The following EGLN1 variants were observed in gnomAD, a reference collection of about 807,000 sequenced individuals.
EGLN1 encodes the protein egl-9 family hypoxia inducible factor 1.
EGLN1 carries 17 observed loss-of-function variants against 38.3 expected under a neutral mutation model. The observed-to-expected ratio is 0.44, with a 90% CI of 0.30 to 0.67. EGLN1 has a LOEUF of 0.67. Ranked by LOEUF, EGLN1 falls within the 30% of genes least tolerant of loss-of-function variation. The pLI is 0.08. For synonymous variants in EGLN1, 283 were observed against 257.5 expected, an observed-to-expected ratio of 1.10 and a Z score of -0.95; for missense variants, 477 against 603.3, an observed-to-expected ratio of 0.79 and a Z score of 2.19.
At chr1:231,418,366 G>C (rs1275730856) in intron 1 of EGLN1, among the ~76,000 whole-genome samples, 1 of 152,196 alleles carries the variant, frequency 6.6e-6, no homozygotes, top group African/African-American at 2.4e-5. Context: ...TCAAATTGCA[G>C]TTCCAGCAGT....
At chr1:231,379,112 A>C (rs1688022454) in intron 1 of EGLN1, among the ~76,000 whole-genome samples, 2 of 152,244 alleles carry the variant, frequency 1.3e-5, no homozygotes, top group African/African-American at 4.8e-5. Flanking sequence ...TGGCAGAGGC[A>C]GGATATGAAC....
Position 231,367,695 on chromosome 1 carries a change from T to C in EGLN1, c.1149-59A>G, listed in dbSNP as rs545539791. The C allele has an allele frequency of 7.1e-5, 105 of 1,486,962 alleles. 1 individual carries two copies. The African/African-American group carries it at 1.3e-3, about 19-fold the overall frequency. The allele number at this position is 1,486,962 out of a possible 1,614,324, so 92.1% of individuals were successfully genotyped here. On this transcript the variant is annotated intron_variant, in intron 3 of 4. Coordinates refer to ENST00000366641, the MANE Select transcript of EGLN1 (RefSeq NM_022051.3). ...CACACTGCGGGGAAAAAGTGGTATT[T>C]TGCTGCAATGGTATATTAAAACTTG...
chr1:231,408,052 AG>A (rs1453887300), intron 1 of EGLN1, among the ~76,000 whole-genome samples: 2 of 152,202 alleles, frequency 1.3e-5, no homozygotes, highest in African/African-American at 4.8e-5. Context: ...CAATAATAAA[AG>A]TCCTCTGCCG....
chr1:231,383,706 C>T (rs1450239377), intron 1 of EGLN1, among the ~76,000 whole-genome samples: 1 of 152,090 alleles, frequency 6.6e-6, no homozygotes, highest in African/African-American at 2.4e-5. Context: ...CTCAAAAAGG[C>T]TCTCACTGAC....
At chr1:231,391,931 A>G (rs1184816314) in intron 1 of EGLN1, among the ~76,000 whole-genome samples, 1 of 152,228 alleles carries the variant, frequency 6.6e-6, no homozygotes, top group Non-Finnish European at 1.5e-5. Context: ...TAAGAAGTTT[A>G]AAAAAACAAA....
At chr1:231,409,020 A>C (rs1045917520) in intron 1 of EGLN1, among the ~76,000 whole-genome samples, 2 of 152,148 alleles carry the variant, frequency 1.3e-5, no homozygotes, top group East Asian at 1.9e-4. Context: ...AAAAAGAAAA[A>C]AAACAAACAA....
chr1:231,420,887 G>C (rs910959815), intron 1 of EGLN1, 111 bp downstream of exon 1: 20 of 1,601,712 alleles, frequency 1.2e-5, no homozygotes, highest in Non-Finnish European at 1.7e-5. Context: ...GAAAGAGCGA[G>C]TCCCTTCTAT....
intron 1 of EGLN1, among the ~76,000 whole-genome samples, chr1:231,393,919 A>G (rs1157533285): frequency 6.6e-6 from 1 of 152,224 alleles, no homozygotes; most frequent in Admixed American, 6.5e-5. Flanking sequence ...AAGCCCTGTT[A>G]AATATCTGCA....
chr1:231,406,291 G>GA (rs1688793221), intron 1 of EGLN1, among the ~76,000 whole-genome samples: 1 of 151,944 alleles, frequency 6.6e-6, no homozygotes. Context: ...AGGACAAGAG[G>GA]AAAAAGAGAA....
rs1011885218 is a variant in EGLN1 at position 231,422,031 on chromosome 1, G to A, written c.-143C>T. 1.9e-5 allele frequency: 18 copies of A among 925,086 alleles called. No homozygotes were observed. The African/African-American group carries it at 2.1e-4, about 11-fold the overall frequency. 57.3% of individuals were successfully genotyped at this position (925,086 alleles called of 1,614,324 possible). ...CACCCGCTACCCTCGCCTCAGGGAGGCCGGCACCCCACGCCCTCGGCCCGG... is the reference window on the plus strand; with the variant it reads ...CACCCGCTACCCTCGCCTCAGGGAGACCGGCACCCCACGCCCTCGGCCCGG... On this transcript the variant is annotated 5_prime_UTR_variant, in exon 1 of 5. Transcript: ENST00000366641.
chr1:231,386,763 G>C (rs1288489051), intron 1 of EGLN1, among the ~76,000 whole-genome samples: 1 of 152,194 alleles, frequency 6.6e-6, no homozygotes, highest in Non-Finnish European at 1.5e-5. Context: ...AGATAAAGAA[G>C]AGTAACATAA....
intron 1 of EGLN1, among the ~76,000 whole-genome samples, chr1:231,398,866 C>T (rs1316977687): frequency 2.6e-5 from 4 of 152,078 alleles, no homozygotes; most frequent in Admixed American, 6.6e-5. Context: ...GAAACAGACT[C>T]AAAGACAATG....
chr1:231,366,498 ATT>A (rs371204614), intron 4 of EGLN1, 23 bp from the exon 5 acceptor site: 1 of 1,308,588 alleles, frequency 7.6e-7, no homozygotes, highest in Non-Finnish European at 1.1e-6. Flanking sequence ...AAAAAAAAAA[ATT>A]TTCATTCATT....
At chr1:231,420,563 G>A (rs557722008) in intron 1 of EGLN1, among the ~76,000 whole-genome samples, 8 of 152,302 alleles carry the variant, frequency 5.3e-5, no homozygotes, top group Non-Finnish European at 1.0e-4. Flanking sequence ...GTGATGAGTG[G>A]TTCAGACACC....
At chr1:231,412,594 A>G (rs1299286974) in intron 1 of EGLN1, among the ~76,000 whole-genome samples, 2 of 152,220 alleles carry the variant, frequency 1.3e-5, no homozygotes, top group Admixed American at 1.3e-4. Flanking sequence ...ATAATTCCTG[A>G]AGGCGGTTCC....
At chr1:231,383,788 C>T (rs1688129941) in intron 1 of EGLN1, among the ~76,000 whole-genome samples, 1 of 151,832 alleles carries the variant, frequency 6.6e-6, no homozygotes, top group South Asian at 2.1e-4. Flanking sequence ...GGGTTACTTC[C>T]TAAATTATGA....
chr1:231,417,289 T>C (rs1689108889), intron 1 of EGLN1, among the ~76,000 whole-genome samples: 1 of 152,204 alleles, frequency 6.6e-6, no homozygotes, highest in Admixed American at 6.5e-5. Flanking sequence ...CCCAACCTAT[T>C]TTATTACTCC....
chr1:231,399,008 T>C (rs992620466), intron 1 of EGLN1, among the ~76,000 whole-genome samples: 4 of 152,186 alleles, frequency 2.6e-5, no homozygotes, highest in Non-Finnish European at 2.9e-5. Context: ...ATATTAAGTG[T>C]GAAAACTCTA....
chr1:231,422,157 C>T lies in EGLN1; in HGVS notation c.-269G>A, dbSNP rs1656657126. The T allele has an allele frequency of 1.1e-5, 3 of 281,364 alleles. No homozygotes were observed. The highest frequency in any genetic ancestry group is 2.2e-5 in the African/African-American group (1 of 44,702). The allele number at this position is 281,364 out of a possible 1,614,324, so 17.4% of individuals were successfully genotyped here. A position where few individuals can be genotyped will look rare whatever the true frequency, so the allele number is the denominator to read the frequency against. On this transcript the variant is annotated 5_prime_UTR_variant, in exon 1 of 5. Coordinates refer to ENST00000366641, the MANE Select transcript of EGLN1 (RefSeq NM_022051.3). ...ATAGGGCCTGTGCGGCGAATGGCAA[C>T]CTGGGCTCAGGCGCGCGGGCCTGGG...
Sources: allele counts gnomAD v4.1 joint callset (sites outside exome capture counted in the v4.1 genomes callset), GRCh38; gene constraint gnomAD v4.1.1; transcripts MANE v1.5; gene names NCBI Gene and HGNC (gene_info 2026-07-23, HGNC 2026-07-21).